Variants in PRKAA2 observed in about 807,000 individuals in gnomAD.
PRKAA2 encodes protein kinase AMP-activated catalytic subunit alpha 2.
A neutral mutation model predicts 56.3 loss-of-function variants in PRKAA2; 40 were observed. The observed-to-expected ratio is 0.71, with a 90% confidence interval of 0.55 to 0.92. PRKAA2 has a LOEUF of 0.92. PRKAA2 is among the 40% of genes least tolerant of loss of function. The pLI, the probability that PRKAA2 is intolerant of heterozygous loss-of-function variation, is 0.00. For missense variants in PRKAA2, 542 were observed against 686.9 expected, an observed-to-expected ratio of 0.79 and a Z score of 2.36; for synonymous variants, 214 against 234.2, an observed-to-expected ratio of 0.91 and a Z score of 0.79.
chr1:56,695,996 T>C lies in PRKAA2; in HGVS notation c.625T>C (p.Cys209Arg), dbSNP rs1644256425. The change falls in exon 6 of 9, where the codon TGT (cysteine) becomes CGT (arginine). Residue 209 changes from cysteine to arginine, a missense_variant. By Grantham distance (180) the Cys-to-Arg change is radical. This residue lies in a region of PRKAA2 where 121 missense variants were observed against 210.0 expected (regional missense o/e 0.58). Transcript: ENST00000371244. ...SCGVILYALLCGTLPFDDEHV... is the reference protein window; with the variant it reads ...SCGVILYALLRGTLPFDDEHV... Reference sequence around the variant, plus strand: ...TGGTGTTATCTTGTATGCTCTTCTTTGTGGCACCCTCCCATTTGATGATGA... The same window carrying C: ...TGGTGTTATCTTGTATGCTCTTCTTCGTGGCACCCTCCCATTTGATGATGA... The C allele has an allele frequency of 6.2e-7, 1 of 1,611,988 alleles. No homozygotes were observed. The highest frequency in any genetic ancestry group is 8.5e-7 in the Non-Finnish European group (1 of 1,179,698).
At chr1:56,695,470 T>C (rs571046831) in intron 5 of PRKAA2, among the ~76,000 whole-genome samples, 3 of 151,960 alleles carry the variant, frequency 2.0e-5, no homozygotes, top group Non-Finnish European at 4.4e-5. Context: ...GGATTACAGG[T>C]GTGAGCTACC....
chr1:56,707,729 T>C lies in PRKAA2; in HGVS notation c.*16T>C. On this transcript the variant is annotated 3_prime_UTR_variant, in exon 9 of 9. Transcript: ENST00000371244. ...AGCCCGTTGATCTGTCTCTAGTTTC[T>C]TTCTGTTATTGCACTATGAAAATCA... 1 of 1,550,122 alleles carries C rather than the reference T, an allele frequency of 6.5e-7. No individual in the cohort carries two copies. The highest frequency in any genetic ancestry group is 8.9e-7 in the Non-Finnish European group (1 of 1,122,422).
intron 1 of PRKAA2, among the ~76,000 whole-genome samples, chr1:56,645,900 G>A (rs1646636976): frequency 1.3e-5 from 2 of 152,200 alleles, no homozygotes; most frequent in African/African-American, 4.8e-5. Context: ...GAGGACTGAG[G>A]CGCCGTTTCG....
intron 3 of PRKAA2, 23 bp downstream of exon 3, chr1:56,691,510 C>A: frequency 2.0e-6 from 3 of 1,529,476 alleles, no homozygotes; most frequent in Non-Finnish European, 2.7e-6. Context: ...CTATCTGGTA[C>A]ACTAAATCTC....
intron 1 of PRKAA2, among the ~76,000 whole-genome samples, chr1:56,668,565 A>C (rs1204370836): frequency 6.6e-6 from 1 of 151,998 alleles, no homozygotes; most frequent in Admixed American, 6.6e-5. Flanking sequence ...CATTTTGGCA[A>C]CTCTTTTCTT....
rs1046011597 is a variant in PRKAA2, at chr1:56,712,954, A to G, written c.*5241A>G. ...TTAGTCTTATCCAAATTTCATATGC[A>G]GATTGATTTTTCATTTTGTATGTAT... is the stretch of plus-strand genomic sequence containing the variant. On this transcript the variant is annotated 3_prime_UTR_variant, in exon 9 of 9. Transcript: ENST00000371244. 2 of 152,156 alleles carry G rather than the reference A, an allele frequency of 1.3e-5. No individual in the cohort carries two copies. The highest frequency in any genetic ancestry group is 2.4e-5 in the African/African-American group (1 of 41,444). The allele number at this position is 152,156 out of a possible 1,614,324, so 9.4% of individuals were successfully genotyped here.
intron 1 of PRKAA2, among the ~76,000 whole-genome samples, chr1:56,672,391 A>G (rs1309835197): frequency 2.0e-5 from 3 of 152,212 alleles, no homozygotes; most frequent in East Asian, 1.9e-4. Context: ...TGCTGGGATT[A>G]CAGGCATGAG....
At chr1:56,674,332 G>T in intron 1 of PRKAA2, 49 bp from the exon 2 acceptor site, 1 of 1,435,348 alleles carries the variant, frequency 7.0e-7, no homozygotes, top group South Asian at 1.5e-5. Flanking sequence ...ATGAATAAAT[G>T]ATTATGTTGA....
At chr1:56,678,473 C>T (rs772313616) in intron 2 of PRKAA2, among the ~76,000 whole-genome samples, 1 of 151,772 alleles carries the variant, frequency 6.6e-6, no homozygotes, top group Non-Finnish European at 1.5e-5. Context: ...TCTTTATTAA[C>T]CCAAATTGAA....
At chr1:56,701,568 A>G (rs1644293531) in intron 6 of PRKAA2, among the ~76,000 whole-genome samples, 1 of 152,134 alleles carries the variant, frequency 6.6e-6, no homozygotes, top group African/African-American at 2.4e-5. Context: ...TCTACTAGGT[A>G]GTAGGGTAGA....
At chr1:56,707,391 A>G in intron 8 of PRKAA2, 84 bp from the exon 9 acceptor site, 1 of 1,138,404 alleles carries the variant, frequency 8.8e-7, no homozygotes, top group Non-Finnish European at 1.3e-6. Flanking sequence ...GTGTTTACTT[A>G]ATATTCTGAA....
In PRKAA2 at chr1:56,714,108, C is replaced by T. The variant is rs1644389346; in HGVS notation, c.*6395C>T. On this transcript the variant is annotated 3_prime_UTR_variant, in exon 9 of 9. Coordinates refer to ENST00000371244, the MANE Select transcript of PRKAA2 (RefSeq NM_006252.4). ...TTTCATGTTGATTGACTTTATAAGT[C>T]ACCTTGGTAAACATAACATTTGGCT... 1.3e-5 allele frequency: 2 copies of T among 152,052 alleles called. No homozygotes were observed. The highest frequency in any genetic ancestry group is 2.4e-5 in the African/African-American group (1 of 41,404). 9.4% of individuals were successfully genotyped at this position (152,052 alleles called of 1,614,324 possible).
In PRKAA2 at chr1:56,707,537, T is replaced by C; in HGVS notation, c.1483T>C (p.Leu495=). 3 of 1,614,192 alleles carry C rather than the reference T, an allele frequency of 1.9e-6. No homozygotes were observed. Among genetic ancestry groups the C allele is most frequent in the Non-Finnish European group, 2.5e-6 (3 of 1,180,022 alleles). Residue 495 remains leucine, a synonymous_variant, in exon 9 of 9, where the codon TTA becomes CTA. Transcript: ENST00000371244. ...TCAGCGTTCCTGTTCTGCTGCTGGC[T>C]TACACAGACCAAGATCAAGTTTTGA... is the stretch of plus-strand genomic sequence containing the variant. ...TPQRSCSAAG[L]HRPRSSFDST... is the part of the protein sequence containing the mutation.
intron 2 of PRKAA2, among the ~76,000 whole-genome samples, chr1:56,679,210 G>T (rs1204618613): frequency 6.6e-6 from 1 of 152,132 alleles, no homozygotes; most frequent in Non-Finnish European, 1.5e-5. Context: ...CTGAGCTAGT[G>T]TAATTTTCTT....
intron 2 of PRKAA2, among the ~76,000 whole-genome samples, chr1:56,679,784 A>C (rs2796502): frequency 0.99 from 150,008 of 152,150 alleles, 73,950 homozygotes; most frequent in East Asian, 1. Context: ...TCTACTTATG[A>C]TTGGGTTTTA....
rs1644314194 is a variant in PRKAA2 at position 56,703,988 on chromosome 1, A to G, written c.806A>G (p.Lys269Arg). Residue 269 changes from lysine (K) to arginine (R), a missense_variant, in exon 7 of 9, where the codon AAA becomes AGA. Transcript: ENST00000371244. ...IKDIREHEWFKQDLPSYLFPE... is the reference protein window; with the variant it reads ...IKDIREHEWFRQDLPSYLFPE... Reference sequence around the variant, plus strand: ...TTTCCTAGAGAGCATGAATGGTTTAAACAAGATTTGCCCAGTTACTTATTT... The same window carrying G: ...TTTCCTAGAGAGCATGAATGGTTTAGACAAGATTTGCCCAGTTACTTATTT... The G allele has an allele frequency of 1.9e-6, 3 of 1,608,906 alleles. No individual in the cohort carries two copies. In the African/African-American group the frequency reaches 4.0e-5, roughly 21 times the overall value.
chr1:56,657,322 C>T (rs764422760), intron 1 of PRKAA2, among the ~76,000 whole-genome samples: 19 of 151,996 alleles, frequency 1.3e-4, no homozygotes, highest in East Asian at 1.9e-4. Context: ...TTTTTACCTT[C>T]GAAGAGGTAA....
At chr1:56,697,908 TG>T (rs1488173910) in intron 6 of PRKAA2, among the ~76,000 whole-genome samples, 1 of 151,970 alleles carries the variant, frequency 6.6e-6, no homozygotes, top group East Asian at 1.9e-4. Context: ...ATATATTTAC[TG>T]GGAAGAGTTA....
At position 56,714,395 on chromosome 1, in the gene PRKAA2, C is replaced by T. The variant is rs938598177; in HGVS notation, c.*6682C>T. 3.3e-5 allele frequency: 5 copies of T among 152,078 alleles called. No homozygotes were observed. The highest frequency in any genetic ancestry group is 7.4e-5 in the Non-Finnish European group (5 of 67,998). The allele number at this position is 152,078 out of a possible 1,614,324, so 9.4% of individuals were successfully genotyped here. A position where few individuals can be genotyped will look rare whatever the true frequency, so the allele number is the denominator to read the frequency against. ...TGTTTAAATACAGGGTTTATATCCCCACATTCAATGTAAATTCCTTTTTTT... is the reference window on the plus strand; with the variant it reads ...TGTTTAAATACAGGGTTTATATCCCTACATTCAATGTAAATTCCTTTTTTT... On this transcript the variant is annotated 3_prime_UTR_variant, in exon 9 of 9. Coordinates refer to ENST00000371244, the MANE Select transcript of PRKAA2 (RefSeq NM_006252.4).
Sources: gnomAD v4.1 joint callset for allele counts (sites outside exome capture counted in the v4.1 genomes callset) on GRCh38, gnomAD v4.1.1 for gene constraint, gnomAD v4.1.1 regional missense constraint, MANE v1.5 for transcripts, NCBI Gene and HGNC (gene_info 2026-07-23, HGNC 2026-07-21) for gene names.